Variants in C10orf90 observed in about 807,000 individuals in gnomAD.
C10orf90 encodes the protein (E2-independent) E3 ubiquitin-conjugating enzyme FATS.
Under a neutral mutation model 62.5 loss-of-function variants are expected in C10orf90, and 56 were observed. The observed-to-expected ratio is 0.90, with a 90% CI of 0.72 to 1.12. The LOEUF (loss-of-function observed/expected upper bound fraction) is 1.12, where lower values mean the gene tolerates loss of function less well. Among genes scored for constraint, C10orf90 ranks in the 50% most tolerant of loss-of-function variants. The probability of loss-of-function intolerance (pLI) is 0.00; values close to 1 mark genes in which losing one functional copy is unlikely to be tolerated. For missense variants in C10orf90, 970 were observed against 880.4 expected (o/e 1.10, Z -1.29); for synonymous variants, 386 against 340.4 (o/e 1.13, Z -1.47).
chr10:126,511,272 C>T (rs755106728), intron 3 of C10orf90, among the ~76,000 whole-genome samples: 3 of 152,098 alleles, frequency 2.0e-5, no homozygotes, highest in Non-Finnish European at 2.9e-5. Context: ...TTTGCCTTTC[C>T]GTGCAGTTAC....
At chr10:126,477,417 G>A (rs1860949190) in intron 4 of C10orf90, among the ~76,000 whole-genome samples, 1 of 151,882 alleles carries the variant, frequency 6.6e-6, no homozygotes, top group South Asian at 2.1e-4. Flanking sequence ...GGCCTGCCAC[G>A]TTTCACACCC....
intron 2 of C10orf90, among the ~76,000 whole-genome samples, chr10:126,591,307 G>C (rs1245728024): frequency 6.6e-6 from 1 of 152,140 alleles, no homozygotes; most frequent in African/African-American, 2.4e-5. Flanking sequence ...GTAAAATACT[G>C]GCAAACCAAA....
intron 4 of C10orf90, chr10:126,502,811 T>C (rs1277980901): frequency 7.6e-6 from 4 of 528,720 alleles, no homozygotes; most frequent in African/African-American, 1.9e-5. Context: ...GATAGCTGCT[T>C]ATGTTGTCCT....
At position 126,451,723 on chromosome 10, in the gene C10orf90, C is replaced by T. The variant is rs116409640; in HGVS notation, c.2188+7317G>A. On this transcript the variant is annotated intron_variant, in intron 7 of 9. Transcript: ENST00000488181. The stretch of plus-strand genomic sequence containing the variant: ...ATATATATACACACACATACATACA[C>T]ATGCAACGGAATACTATACAGTCTT... 7.3e-3 allele frequency among the ~76,000 whole-genome samples: 1,110 copies of T among 152,042 alleles called. 11 individuals are homozygous for T. The highest frequency in any genetic ancestry group is 0.025 in the African/African-American group (1,041 of 41,462).
intron 3 of C10orf90, among the ~76,000 whole-genome samples, chr10:126,506,703 A>G (rs12358354): frequency 0.12 from 18,972 of 152,266 alleles, 1,233 homozygotes; most frequent in East Asian, 0.15. Flanking sequence ...CAGACAAGTC[A>G]TGAGGCTGCT....
chr10:126,581,172 C>T (rs572054025), intron 2 of C10orf90, among the ~76,000 whole-genome samples: 3 of 152,326 alleles, frequency 2.0e-5, no homozygotes, highest in South Asian at 4.1e-4. Flanking sequence ...TCTCATTCCT[C>T]CGTCTCATGT....
rs569468389 is a variant in C10orf90 at position 126,554,639 on chromosome 10, A to G, written c.314-40700T>C. Among the ~76,000 whole-genome samples, 66 of 152,368 alleles carry G rather than the reference A, an allele frequency of 4.3e-4. 2 individuals are homozygous for G. The South Asian group carries it at 0.013, about 31-fold the overall frequency. On this transcript the variant is annotated intron_variant, in intron 2 of 9. Coordinates refer to ENST00000488181, the MANE Select transcript of C10orf90 (RefSeq NM_001350921.2). ...CTATTTTTGTTAATTTTACTCTCACAGTGATAGAGTCCTCTTCAACTCCAT... is the reference window on the plus strand; with the variant it reads ...CTATTTTTGTTAATTTTACTCTCACGGTGATAGAGTCCTCTTCAACTCCAT...
intron 1 of C10orf90, among the ~76,000 whole-genome samples, chr10:126,650,211 G>A (rs975737049): frequency 2.0e-5 from 3 of 152,168 alleles, no homozygotes; most frequent in African/African-American, 7.2e-5. Context: ...TATTTCGTGA[G>A]TGATCATTAA....
chr10:126,471,698 C>G lies in C10orf90; in HGVS notation c.1535-6712G>C, dbSNP rs117521068. Among the ~76,000 whole-genome samples, 915 of 152,288 alleles carry G rather than the reference C, an allele frequency of 6.0e-3. 5 individuals carry two copies. Among genetic ancestry groups the G allele is most frequent in the Middle Eastern group, 0.014 (4 of 294 alleles). ...TGTGGGCAATTGTGCAGGCAACTCTCATTTGACGTAAAGACTCACATGTAG... is the reference window on the plus strand; with the variant it reads ...TGTGGGCAATTGTGCAGGCAACTCTGATTTGACGTAAAGACTCACATGTAG... On this transcript the variant is annotated intron_variant, in intron 4 of 9. Transcript: ENST00000488181.
intron 7 of C10orf90, among the ~76,000 whole-genome samples, chr10:126,451,078 A>G (rs1242698002): frequency 6.6e-6 from 1 of 152,180 alleles, no homozygotes; most frequent in Non-Finnish European, 1.5e-5. Flanking sequence ...GCCAACAGGT[A>G]TATGAGAAAA....
At chr10:126,485,009 T>G (rs888328156) in intron 4 of C10orf90, among the ~76,000 whole-genome samples, 1 of 152,196 alleles carries the variant, frequency 6.6e-6, no homozygotes, top group Non-Finnish European at 1.5e-5. Context: ...AGAATAGACA[T>G]GGTACAATGG....
At chr10:126,606,638 T>C (rs1845318253) in intron 2 of C10orf90, among the ~76,000 whole-genome samples, 1 of 152,180 alleles carries the variant, frequency 6.6e-6, no homozygotes, top group Non-Finnish European at 1.5e-5. Context: ...GATGATTTGC[T>C]GTTAGGATTA....
At chr10:126,458,485 C>T (rs2134098978) in intron 7 of C10orf90, among the ~76,000 whole-genome samples, 1 of 152,250 alleles carries the variant, frequency 6.6e-6, no homozygotes, top group East Asian at 1.9e-4. Context: ...AGTCTTGCTC[C>T]CAGCATGGCA....
At chr10:126,478,917 G>A (rs190884087) in intron 4 of C10orf90, among the ~76,000 whole-genome samples, 44 of 152,218 alleles carry the variant, frequency 2.9e-4, no homozygotes, top group Admixed American at 8.5e-4. Context: ...GGAATGAAGC[G>A]GGGGTGACAT....
chr10:126,627,000 CT>C (rs61226052), intron 2 of C10orf90, among the ~76,000 whole-genome samples: 60 of 119,484 alleles, frequency 5.0e-4, no homozygotes, highest in East Asian at 1.4e-3. Flanking sequence ...TTTTTCTTTT[CT>C]TTTTTTTTTT....
intron 2 of C10orf90, among the ~76,000 whole-genome samples, chr10:126,624,455 G>T (rs1468689226): frequency 1.3e-5 from 2 of 152,154 alleles, no homozygotes; most frequent in African/African-American, 4.8e-5. Context: ...TGCATTTGAA[G>T]TTCTCAGCAG....
chr10:126,444,457 C>T (rs1199263971), intron 7 of C10orf90, among the ~76,000 whole-genome samples: 2 of 151,854 alleles, frequency 1.3e-5, no homozygotes, highest in African/African-American at 4.8e-5. Context: ...TAGTAATATA[C>T]CTAACAAACG....
intron 8 of C10orf90, among the ~76,000 whole-genome samples, chr10:126,428,332 AAG>A (rs1302212908): frequency 2.0e-5 from 3 of 152,136 alleles, no homozygotes; most frequent in African/African-American, 7.2e-5. Context: ...GCTGGTCATG[AAG>A]AGACTTTAGC....
chr10:126,531,079 C>T (rs1196216715), intron 2 of C10orf90, among the ~76,000 whole-genome samples: 1 of 150,858 alleles, frequency 6.6e-6, no homozygotes, highest in Non-Finnish European at 1.5e-5. Context: ...GAGGCTGAGG[C>T]AGGAGAATTG....
Sources: allele counts gnomAD v4.1 joint callset (sites outside exome capture counted in the v4.1 genomes callset), GRCh38; gene constraint gnomAD v4.1.1; transcripts MANE v1.5; gene names NCBI Gene and HGNC (gene_info 2026-07-23, HGNC 2026-07-21).